Variants in FAHD2B observed in about 807,000 individuals in gnomAD.
FAHD2B encodes the protein oxaloacetate tautomerase FAHD2B, mitochondrial.
In FAHD2B, 26 loss-of-function variants were observed where a neutral mutation model predicts 33.7. That is an observed-to-expected ratio of 0.77 (90% CI 0.57 to 1.07). The LOEUF is 1.07. FAHD2B is among the 50% of genes least tolerant of loss of function. The probability of loss-of-function intolerance (pLI) is 0.00; values close to 1 mark genes in which losing one functional copy is unlikely to be tolerated. For missense variants in FAHD2B, 272 were observed against 388.1 expected (o/e 0.70, Z 2.51); for synonymous variants, 108 against 150.9 (o/e 0.72, Z 2.08).
At chr2:97,079,284 A>G (rs184136458), downstream of FAHD2B, among the ~76,000 whole-genome samples, 35 of 152,232 alleles carry the variant, frequency 2.3e-4, no homozygotes, top group African/African-American at 8.2e-4. Context: ...TTGGTTATAT[A>G]CCCAGTAATA....
Position 97,084,042 on chromosome 2 carries a change from C to G in FAHD2B, c.795-7G>C, listed in dbSNP as rs763293469. 12 of 1,613,512 alleles carry G rather than the reference C, an allele frequency of 7.4e-6. 1 individual carries two copies. The East Asian group carries it at 2.7e-4, about 36-fold the overall frequency. ...TGGGTAAAAGGTAACAAACCTGGAG[C>G]AAAGCAAAAGGACCCAGTGAGACCA... On this transcript the variant is annotated splice_polypyrimidine_tract_variant and splice_region_variant and intron_variant, in intron 7 of 8. Transcript: ENST00000414820.
At chr2:97,082,492 C>T, downstream of FAHD2B, 1 of 1,611,958 alleles carries the variant, frequency 6.2e-7, no homozygotes, top group Non-Finnish European at 8.5e-7. Flanking sequence ...AGCCCAGGCT[C>T]CTGCAGGCAG....
intron 1 of FAHD2B, among the ~76,000 whole-genome samples, chr2:97,094,134 T>C (rs566845389): frequency 1.8e-4 from 28 of 152,160 alleles, no homozygotes; most frequent in South Asian, 8.4e-4. Context: ...CAAACAGCCA[T>C]GCGTGGGGAA....
At chr2:97,082,486 C>T (rs1025876009), downstream of FAHD2B, 1 of 1,611,798 alleles carries the variant, frequency 6.2e-7, no homozygotes, top group African/African-American at 1.3e-5. Context: ...CCAGTCAGCC[C>T]AGGCTCCTGC....
intron 6 of FAHD2B, among the ~76,000 whole-genome samples, chr2:97,085,430 C>T (rs916687766): frequency 6.6e-5 from 10 of 151,470 alleles, no homozygotes; most frequent in Admixed American, 4.0e-4. Context: ...GCAGGAAGCC[C>T]GATCCACCCA....
chr2:97,087,253 G>A (rs1369233553), intron 4 of FAHD2B, among the ~76,000 whole-genome samples: 1 of 151,902 alleles, frequency 6.6e-6, no homozygotes, highest in African/African-American at 2.4e-5. Context: ...GGGTTTCACT[G>A]TGTTAGCCAG....
rs745494248 is a variant in FAHD2B, at chr2:97,091,684, C to T, written c.23G>A (p.Arg8Lys). 49 of 1,612,234 alleles carry T rather than the reference C, an allele frequency of 3.0e-5. No individual in the cohort carries two copies. The highest frequency in any genetic ancestry group is 3.7e-5 in the Non-Finnish European group (44 of 1,178,874). Residue 8 changes from arginine to lysine, a missense_variant, in exon 3 of 9, where the codon AGA becomes AAA. Physicochemically the swap from Arg to Lys is conservative, Grantham distance 26. Coordinates refer to ENST00000414820, the MANE Select transcript of FAHD2B (RefSeq NM_001320848.2). MLVSGRR[R>K]LLTALLQAQK... ...AGCCTGCAGCAGAGCTGTGAGTAAT[C>T]TTCTTCTACCAGACACCAGCATCAG...
chr2:97,086,029 T>C, intron 5 of FAHD2B, 110 bp downstream of exon 5: 2 of 1,285,682 alleles, frequency 1.6e-6, no homozygotes, highest in Non-Finnish European at 2.2e-6. Flanking sequence ...TGCTTCCTAG[T>C]GTCAGGGACA....
At chr2:97,084,403 T>C (rs2031823399) in intron 6 of FAHD2B, 126 bp from the exon 7 acceptor site, 2 of 1,040,162 alleles carry the variant, frequency 1.9e-6, no homozygotes, top group Non-Finnish European at 2.8e-6. Context: ...GTGCCCACAT[T>C]GACTCAGTGC....
downstream of FAHD2B, chr2:97,083,163 C>T (rs532293438): frequency 4.4e-5 from 70 of 1,591,998 alleles, 1 homozygote; most frequent in South Asian, 7.6e-4. Context: ...AGACGCCGAG[C>T]CCTGCAGGCC....
chr2:97,090,009 C>T, intron 4 of FAHD2B, 100 bp downstream of exon 4: 17 of 1,515,860 alleles, frequency 1.1e-5, no homozygotes, highest in Non-Finnish European at 1.5e-5. Context: ...CTGTTGAATG[C>T]ACTACTGAGC....
rs1275578511 is a variant in FAHD2B, at chr2:97,085,832, G to A, written c.552C>T (p.Gly184=). ...KATDAMAHVA[G]FTVAHDVSAR... ...CACTCACGTCATGAGCCACAGTGAA[G>A]CCGGCCACGTGGGCCATGGCATCTG... The change falls in exon 6 of 9, where the codon GGC becomes GGT. Residue 184 remains glycine, a synonymous_variant. Transcript: ENST00000414820. The A allele has an allele frequency of 6.2e-7, 1 of 1,613,872 alleles. No individual in the cohort carries two copies. Among genetic ancestry groups the A allele is most frequent in the African/African-American group, 1.3e-5 (1 of 75,056 alleles).
downstream of FAHD2B, chr2:97,082,526 C>T: frequency 1.2e-6 from 2 of 1,605,032 alleles, no homozygotes; most frequent in African/African-American, 1.3e-5. Flanking sequence ...TGGCTGCTGC[C>T]CCCTGCCAGA....
At chr2:97,081,424 C>T (rs1365030831), downstream of FAHD2B, 3 of 1,552,802 alleles carry the variant, frequency 1.9e-6, no homozygotes, top group Admixed American at 1.9e-5. Context: ...CACATGGGTG[C>T]CTTTTTCTCC....
intron 4 of FAHD2B, 60 bp from the exon 5 acceptor site, chr2:97,086,258 A>G: frequency 6.3e-7 from 1 of 1,590,432 alleles, no homozygotes; most frequent in Non-Finnish European, 8.6e-7. Context: ...ATCTATGCTC[A>G]GAGGCTGTAC....
intron 4 of FAHD2B, among the ~76,000 whole-genome samples, chr2:97,088,838 T>C (rs1330299218): frequency 6.6e-6 from 1 of 152,082 alleles, no homozygotes; most frequent in Non-Finnish European, 1.5e-5. Flanking sequence ...TGCAAGCCAT[T>C]GTCCTTATAA....
At chr2:97,081,137 C>G, downstream of FAHD2B, 1 of 1,479,412 alleles carries the variant, frequency 6.8e-7, no homozygotes. Flanking sequence ...GGCAGAGTGC[C>G]GCCCCAGGGG....
At chr2:97,081,341 C>G, downstream of FAHD2B, 2 of 1,559,780 alleles carry the variant, frequency 1.3e-6, no homozygotes, top group Non-Finnish European at 1.7e-6. Flanking sequence ...CCTCTGAAAC[C>G]TCCTGGGTGG....
chr2:97,092,965 C>CAAAAAA (rs748844060), intron 1 of FAHD2B, among the ~76,000 whole-genome samples: 2 of 64,220 alleles, frequency 3.1e-5, no homozygotes, highest in African/African-American at 5.7e-5. Flanking sequence ...AGAGCGACTC[C>CAAAAAA]AAAAAAAAAA....
Sources: allele counts gnomAD v4.1 joint callset (sites outside exome capture counted in the v4.1 genomes callset), GRCh38; gene constraint gnomAD v4.1.1; transcripts MANE v1.5; gene names NCBI Gene and HGNC (gene_info 2026-07-23, HGNC 2026-07-21).